MGAT5B: variants seen among roughly 807,000 people sequenced by gnomAD.
The protein encoded by MGAT5B is alpha-1,6-mannosylglycoprotein 6-beta-N-acetylglucosaminyltransferase B.
In MGAT5B, 54 loss-of-function variants were observed where a neutral mutation model predicts 95.1. The ratio of observed to expected loss-of-function variants is 0.57; its 90% CI spans 0.46 to 0.71. MGAT5B has a LOEUF of 0.71. MGAT5B is among the 30% of genes least tolerant of loss of function. The probability of loss-of-function intolerance (pLI) is 0.00; values close to 1 mark genes in which losing one functional copy is unlikely to be tolerated. For missense variants in MGAT5B, 935 were observed against 1,088.6 expected, an observed-to-expected ratio of 0.86 and a Z score of 1.99; for synonymous variants, 464 against 451.0, an observed-to-expected ratio of 1.03 and a Z score of -0.36.
intron 12 of MGAT5B, 130 bp from the exon 13 acceptor site, chr17:76,937,858 C>G: frequency 9.2e-7 from 1 of 1,092,500 alleles, no homozygotes; most frequent in Non-Finnish European, 1.3e-6. Flanking sequence ...CCCAGTGTCC[C>G]ACAGCCAGTT....
chr17:76,911,425 T>C (rs11867374), intron 8 of MGAT5B, among the ~76,000 whole-genome samples: 56,673 of 152,040 alleles, frequency 0.37, 11,324 homozygotes, highest in East Asian at 0.85. Flanking sequence ...GCACCCAGGA[T>C]ACCCTTGGTT....
In MGAT5B at chr17:76,905,052, A is replaced by T; in HGVS notation, c.691-117A>T. On this transcript the variant is annotated intron_variant, in intron 6 of 17. Coordinates refer to ENST00000569840, the MANE Select transcript of MGAT5B (RefSeq NM_001199172.2). The surrounding 1 kb of genome is among the most constrained non-coding windows in gnomAD (Gnocchi z 4.2). Reference sequence around the variant, plus strand: ...TAATGAGCCCCTTAGAAAGTGCAGGAGAAGCTGGAGCAGGCCCCAGCCTCA... The same window carrying T: ...TAATGAGCCCCTTAGAAAGTGCAGGTGAAGCTGGAGCAGGCCCCAGCCTCA... The T allele has an allele frequency of 8.8e-7, 1 of 1,139,196 alleles. No individual in the cohort carries two copies. Among genetic ancestry groups the T allele is most frequent in the Non-Finnish European group, 1.2e-6 (1 of 823,610 alleles). The allele number at this position is 1,139,196 out of a possible 1,614,324, so 70.6% of individuals were successfully genotyped here.
At position 76,905,947 on chromosome 17, in the gene MGAT5B, C is replaced by T. The variant is rs899697937; in HGVS notation, c.856-71C>T. On this transcript the variant is annotated intron_variant, in intron 7 of 17. Transcript: ENST00000569840. The surrounding 1 kb of genome is among the most constrained non-coding windows in gnomAD (Gnocchi z 4.2). ...GTCTGCTGCCGGCTGGTCTCCTGGC[C>T]GGTGCCCCGGGGGGGCGGGGCTCAG... The T allele has an allele frequency of 1.6e-5, 24 of 1,484,032 alleles. No homozygotes were observed. Among genetic ancestry groups the T allele is most frequent in the East Asian group, 1.0e-4 (4 of 39,418 alleles). 91.9% of individuals were successfully genotyped at this position (1,484,032 alleles called of 1,614,324 possible).
chr17:76,948,618 G>A (rs372670144), intron 17 of MGAT5B, 22 bp from the exon 18 acceptor site: 27 of 1,601,046 alleles, frequency 1.7e-5, no homozygotes, highest in East Asian at 4.5e-5. Flanking sequence ...GCTGAGTGAC[G>A]GTGCTGTGTG....
intron 8 of MGAT5B, chr17:76,923,926 C>T (rs1416556169): frequency 6.6e-6 from 1 of 152,124 alleles, no homozygotes; most frequent in African/African-American, 2.4e-5. Context: ...AGGGCCGTCT[C>T]TGCGGAGGAC....
At chr17:76,900,137 T>G (rs1028669477) in intron 3 of MGAT5B, among the ~76,000 whole-genome samples, 1 of 152,202 alleles carries the variant, frequency 6.6e-6, no homozygotes, top group African/African-American at 2.4e-5. Flanking sequence ...CAGGGTCACA[T>G]AGCTCATAGG....
intron 17 of MGAT5B, among the ~76,000 whole-genome samples, 167 bp from the exon 18 acceptor site, chr17:76,948,473 A>T (rs1970104599): frequency 6.6e-6 from 1 of 152,188 alleles, no homozygotes; most frequent in Non-Finnish European, 1.5e-5. Context: ...TCCCTTGGAC[A>T]GCAGGTGGGA....
chr17:76,904,376 A>G lies in MGAT5B; in HGVS notation c.644A>G (p.Asn215Ser), dbSNP rs1567805071. The change falls in exon 6 of 18, where the codon AAC becomes AGC. Residue 215 changes from asparagine (N) to serine (S), a missense_variant. Physicochemically the swap from Asn to Ser is conservative, Grantham distance 46 (BLOSUM62 1). This residue lies in a region of MGAT5B where 243 missense variants were observed against 305.5 expected (regional missense o/e 0.80). Transcript: ENST00000569840. ...EWFCPPLPWR[N>S]QTAAQRAPKP... ...TTCTGCCCCCCGCTGCCCTGGAGGA[A>G]CCAGACGGCTGCCCAGAGGGCACCC... The G allele has an allele frequency of 6.3e-7, 1 of 1,576,452 alleles. No individual in the cohort carries two copies. Among genetic ancestry groups the G allele is most frequent in the East Asian group, 2.3e-5 (1 of 43,056 alleles).
rs952284313 is a variant in MGAT5B at position 76,869,257 on chromosome 17, G to A, written c.68+160G>A. ...GGGCTGGGCTGGGGGAACGGATGGCGTTGGGGTTCGGGGTGCGGATGGGGA... is the reference window on the plus strand; with the variant it reads ...GGGCTGGGCTGGGGGAACGGATGGCATTGGGGTTCGGGGTGCGGATGGGGA... On this transcript the variant is annotated intron_variant, in intron 1 of 17. Coordinates refer to ENST00000569840, the MANE Select transcript of MGAT5B (RefSeq NM_001199172.2). The surrounding 1 kb of genome is among the most constrained non-coding windows in gnomAD (Gnocchi z 7.0). 6.6e-6 allele frequency among the ~76,000 whole-genome samples: 1 copy of A among 151,816 alleles called. No individual in the cohort carries two copies. Among genetic ancestry groups the A allele is most frequent in the African/African-American group, 2.4e-5 (1 of 41,310 alleles).
At chr17:76,895,260 A>T (rs1968025734) in intron 3 of MGAT5B, among the ~76,000 whole-genome samples, 1 of 151,868 alleles carries the variant, frequency 6.6e-6, no homozygotes, top group African/African-American at 2.4e-5. Flanking sequence ...GGGACCATCT[A>T]GTTGCAGGAA....
intron 2 of MGAT5B, among the ~76,000 whole-genome samples, chr17:76,880,584 C>A (rs941421740): frequency 6.6e-6 from 1 of 152,242 alleles, no homozygotes; most frequent in African/African-American, 2.4e-5. Flanking sequence ...TCTCTCGTCA[C>A]CTTCCTGGTC....
At position 76,917,062 on chromosome 17, in the gene MGAT5B, T is replaced by C. The variant is rs1405784545; in HGVS notation, c.1026-7904T>C. On this transcript the variant is annotated intron_variant, in intron 8 of 17. Coordinates refer to ENST00000569840, the MANE Select transcript of MGAT5B (RefSeq NM_001199172.2). The surrounding 1 kb of genome is among the most constrained non-coding windows in gnomAD (Gnocchi z 6.1). ...CAGGTTTGAGTCAGCCTAGTTGTGC[T>C]AAGTCCAACGCCAGGTGGGAGGTTT... 6.6e-6 allele frequency among the ~76,000 whole-genome samples: 1 copy of C among 152,162 alleles called. No individual in the cohort carries two copies. The highest frequency in any genetic ancestry group is 1.5e-5 in the Non-Finnish European group (1 of 68,018).
chr17:76,918,451 C>G lies in MGAT5B; in HGVS notation c.1026-6515C>G, dbSNP rs552725198. ...GGGCCATCCCAGTGACTGCGTAAAG[C>G]AACTCTGGGCTGCTTCTGTTGGGTA... On this transcript the variant is annotated intron_variant, in intron 8 of 17. Transcript: ENST00000569840. The surrounding 1 kb of genome is among the most constrained non-coding windows in gnomAD (Gnocchi z 5.1). Among the ~76,000 whole-genome samples the G allele has an allele frequency of 6.6e-6, 1 of 152,356 alleles. No homozygotes were observed. The highest frequency in any genetic ancestry group is 2.4e-5 in the African/African-American group (1 of 41,588).
In MGAT5B at chr17:76,914,707, C is replaced by T. The variant is rs557298767; in HGVS notation, c.1025+8520C>T. 2.0e-4 allele frequency among the ~76,000 whole-genome samples: 30 copies of T among 151,778 alleles called. No homozygotes were observed. The highest frequency in any genetic ancestry group is 4.1e-4 in the African/African-American group (17 of 41,172). On this transcript the variant is annotated intron_variant, in intron 8 of 17. Transcript: ENST00000569840. The surrounding 1 kb of genome is among the most constrained non-coding windows in gnomAD (Gnocchi z 5.1). ...CAGCTGGAGCGCAGTGGCGCAGTCT[C>T]GGCTCACTGCATCCTCCACCTCCGG...
In MGAT5B at chr17:76,948,199, G is replaced by A. The variant is rs1970096679; in HGVS notation, c.2180+113G>A. 6.9e-6 allele frequency: 10 copies of A among 1,448,428 alleles called. No individual in the cohort carries two copies. In the South Asian group the frequency reaches 1.5e-4, roughly 21 times the overall value. The allele number at this position is 1,448,428 out of a possible 1,614,324, so 89.7% of individuals were successfully genotyped here. On this transcript the variant is annotated intron_variant, in intron 17 of 17. Coordinates refer to ENST00000569840, the MANE Select transcript of MGAT5B (RefSeq NM_001199172.2). Reference sequence around the variant, plus strand: ...CTCAGCCCTGCCAGTGTGGGGGGATGTAATGCTTTCCAATGAGTCAGGAAG... The same window carrying A: ...CTCAGCCCTGCCAGTGTGGGGGGATATAATGCTTTCCAATGAGTCAGGAAG...
chr17:76,923,160 T>C (rs1969175534), intron 8 of MGAT5B, among the ~76,000 whole-genome samples: 1 of 152,222 alleles, frequency 6.6e-6, no homozygotes, highest in Non-Finnish European at 1.5e-5. Context: ...CTTCTGAGCA[T>C]GCGCAAAGCG....
chr17:76,903,199 A>G, intron 4 of MGAT5B, 104 bp from the exon 5 acceptor site: 2 of 869,956 alleles, frequency 2.3e-6, no homozygotes, highest in Non-Finnish European at 1.8e-6. Context: ...AAGGTGGGAA[A>G]GCCTGGCAGC....
At position 76,906,044 on chromosome 17, in the gene MGAT5B, G is replaced by T. The variant is rs545122072; in HGVS notation, c.882G>T (p.Thr294=). ...TCCTGGTCCACATCGGCTTCCTGACGGAGGAGTCCGGGGACGTGTTCAGCC... is the reference window on the plus strand; with the variant it reads ...TCCTGGTCCACATCGGCTTCCTGACTGAGGAGTCCGGGGACGTGTTCAGCC... ...KQILVHIGFL[T]EESGDVFSPR... is the part of the protein sequence containing the mutation. Residue 294 remains threonine (T), a synonymous_variant, in exon 8 of 18, where the codon ACG becomes ACT. Coordinates refer to ENST00000569840, the MANE Select transcript of MGAT5B (RefSeq NM_001199172.2). The surrounding 1 kb of genome is among the most constrained non-coding windows in gnomAD (Gnocchi z 4.6). 4 of 1,606,146 alleles carry T rather than the reference G, an allele frequency of 2.5e-6. No individual in the cohort carries two copies. In the African/African-American group the frequency reaches 4.0e-5, roughly 16 times the overall value.
chr17:76,878,506 G>C (rs1207630055), intron 2 of MGAT5B, among the ~76,000 whole-genome samples: 1 of 152,120 alleles, frequency 6.6e-6, no homozygotes, highest in Non-Finnish European at 1.5e-5. Flanking sequence ...AGAGGGTCTC[G>C]CTCTGTTGCC....
Sources: gnomAD v4.1 joint callset for allele counts (sites outside exome capture counted in the v4.1 genomes callset) on GRCh38, gnomAD v4.1.1 for gene constraint, gnomAD v4.1.1 regional missense constraint, Gnocchi (gnomAD v3.1) non-coding constraint, MANE v1.5 for transcripts, NCBI Gene and HGNC (gene_info 2026-07-23, HGNC 2026-07-21) for gene names.